Variants in DOK6 observed in about 807,000 individuals in gnomAD.
DOK6 encodes the protein downstream of tyrosine kinase 6.
In DOK6, 22 loss-of-function variants were observed where a neutral mutation model predicts 44.0. The ratio of observed to expected loss-of-function variants is 0.50; its 90% confidence interval spans 0.36 to 0.71. DOK6 has a LOEUF of 0.71. DOK6 is among the 30% of genes least tolerant of loss of function. The probability of loss-of-function intolerance (pLI) is 0.00; values close to 1 mark genes in which losing one functional copy is unlikely to be tolerated. For missense variants in DOK6, 340 were observed against 416.4 expected (o/e 0.82, Z 1.60); for synonymous variants, 166 against 145.5 (o/e 1.14, Z -1.01).
intron 5 of DOK6, among the ~76,000 whole-genome samples, chr18:69,706,683 C>T (rs7237709): frequency 0.078 from 8,981 of 115,330 alleles, 394 homozygotes; most frequent in Admixed American, 0.12. Flanking sequence ...CCCCTCCCCC[C>T]TCCCCCCACC....
At chr18:69,689,880 ATAT>A (rs1489781072) in intron 4 of DOK6, among the ~76,000 whole-genome samples, 5 of 152,088 alleles carry the variant, frequency 3.3e-5, no homozygotes, top group African/African-American at 1.2e-4. Context: ...ATATAGTGTA[ATAT>A]TATGCATTTC....
chr18:69,650,428 A>G (rs547026448), intron 3 of DOK6, among the ~76,000 whole-genome samples: 1 of 152,324 alleles, frequency 6.6e-6, no homozygotes, highest in South Asian at 2.1e-4. Context: ...TCCCTATCAC[A>G]TATGAGCCAT....
chr18:69,555,160 C>T (rs1424412395), intron 1 of DOK6, among the ~76,000 whole-genome samples: 1 of 151,952 alleles, frequency 6.6e-6, no homozygotes, highest in Non-Finnish European at 1.5e-5. Context: ...TGTTTTGTGT[C>T]TTATTTTTCT....
chr18:69,726,136 A>G (rs1978305840), intron 5 of DOK6, among the ~76,000 whole-genome samples: 1 of 152,206 alleles, frequency 6.6e-6, no homozygotes, highest in South Asian at 2.1e-4. Flanking sequence ...CATGAGGATG[A>G]GACTTTGAAA....
At chr18:69,629,075 G>C (rs190298606) in intron 3 of DOK6, among the ~76,000 whole-genome samples, 66 of 152,322 alleles carry the variant, frequency 4.3e-4, no homozygotes, top group African/African-American at 1.3e-3. Flanking sequence ...ATGTTCTAAG[G>C]TCTCCTAGCC....
intron 1 of DOK6, among the ~76,000 whole-genome samples, 195 bp downstream of exon 1, chr18:69,401,505 A>T (rs1443741086): frequency 2.6e-5 from 4 of 151,130 alleles, no homozygotes; most frequent in Admixed American, 6.6e-5. Flanking sequence ...GGACCTGGGG[A>T]CTCCAGGAGC....
chr18:69,715,912 A>G lies in DOK6; in HGVS notation c.599+17319A>G, dbSNP rs114050706. On this transcript the variant is annotated intron_variant, in intron 5 of 7. Coordinates refer to ENST00000382713, the MANE Select transcript of DOK6 (RefSeq NM_152721.6). ...TTGGTTGGTTTGCATTTGAGGTTGC[A>G]TTCATTATATCACTACTCTATGAAG... 3.8e-3 allele frequency among the ~76,000 whole-genome samples: 575 copies of G among 152,360 alleles called. 5 individuals are homozygous for G. Among genetic ancestry groups the G allele is most frequent in the African/African-American group, 0.013 (557 of 41,588 alleles).
chr18:69,409,066 TG>T (rs1413778266), intron 1 of DOK6, among the ~76,000 whole-genome samples: 2 of 151,964 alleles, frequency 1.3e-5, no homozygotes, highest in Non-Finnish European at 1.5e-5. Context: ...AACTGAATCA[TG>T]GGAGTGGTTT....
chr18:69,506,254 T>C (rs1473955361), intron 1 of DOK6, among the ~76,000 whole-genome samples: 4 of 152,124 alleles, frequency 2.6e-5, no homozygotes, highest in Non-Finnish European at 5.9e-5. Flanking sequence ...GTAAAGAAAT[T>C]AAGGTATGTT....
At chr18:69,401,382 G>A in intron 1 of DOK6, 72 bp downstream of exon 1, 1 of 1,405,622 alleles carries the variant, frequency 7.1e-7, no homozygotes, top group African/African-American at 1.5e-5. Flanking sequence ...GGGGGGGGCA[G>A]GGAGAGGTGA....
intron 1 of DOK6, among the ~76,000 whole-genome samples, chr18:69,405,299 C>T (rs1238020224): frequency 6.6e-6 from 1 of 152,028 alleles, no homozygotes; most frequent in Non-Finnish European, 1.5e-5. Flanking sequence ...TGAAAATTCA[C>T]CCTTTTATAG....
chr18:69,500,579 G>T (rs545421135), intron 1 of DOK6, among the ~76,000 whole-genome samples: 40 of 152,184 alleles, frequency 2.6e-4, no homozygotes, highest in South Asian at 2.5e-3. Context: ...CTGACATAGT[G>T]CCTGATACAG....
chr18:69,698,364 T>C, intron 4 of DOK6, 40 bp from the exon 5 acceptor site: 2 of 1,556,932 alleles, frequency 1.3e-6, no homozygotes, highest in Non-Finnish European at 1.7e-6. Flanking sequence ...CACTCACACC[T>C]CTTTTCACTT....
chr18:69,757,687 T>C (rs1447642684), intron 6 of DOK6, 69 bp from the exon 7 acceptor site: 14 of 1,292,260 alleles, frequency 1.1e-5, no homozygotes, highest in Non-Finnish European at 1.6e-5. Context: ...TAACCCTGAA[T>C]ATTTAGAAGA....
chr18:69,539,871 A>T (rs1029477427), intron 1 of DOK6, among the ~76,000 whole-genome samples: 7 of 152,252 alleles, frequency 4.6e-5, no homozygotes, highest in African/African-American at 1.2e-4. Flanking sequence ...TTCTCTCAGT[A>T]CTATAAATAA....
At chr18:69,774,343 G>A (rs1378042939) in intron 7 of DOK6, among the ~76,000 whole-genome samples, 1 of 151,168 alleles carries the variant, frequency 6.6e-6, no homozygotes, top group African/African-American at 2.4e-5. Flanking sequence ...AATGGACTTT[G>A]GGGACTCAGG....
intron 1 of DOK6, among the ~76,000 whole-genome samples, chr18:69,542,666 G>A (rs1256090305): frequency 2.0e-5 from 3 of 151,452 alleles, no homozygotes; most frequent in African/African-American, 7.3e-5. Context: ...TGCAGTTTCA[G>A]AGATTGATTT....
rs1352572145 is a variant in DOK6, at chr18:69,585,703, A to G, written c.175-13681A>G. On this transcript the variant is annotated intron_variant, in intron 2 of 7. Transcript: ENST00000382713. ...CAGTTAGGGTTGTGTGTAGGGATAC[A>G]CTGTACTGCTTTTAGCGTCTATGTA... Among the ~76,000 whole-genome samples the G allele has an allele frequency of 2.0e-5, 3 of 152,192 alleles. No individual in the cohort carries two copies. In the East Asian group the frequency reaches 5.8e-4, roughly 29 times the overall value.
chr18:69,639,242 A>C (rs10871646), intron 3 of DOK6, among the ~76,000 whole-genome samples: 79,171 of 152,044 alleles, frequency 0.52, 21,051 homozygotes, highest in Admixed American at 0.65. Context: ...AGCTACTTCT[A>C]CACTGTCTTA....
Sources: allele counts gnomAD v4.1 joint callset (sites outside exome capture counted in the v4.1 genomes callset), GRCh38; gene constraint gnomAD v4.1.1; transcripts MANE v1.5; gene names NCBI Gene and HGNC (gene_info 2026-07-23, HGNC 2026-07-21).